RANBP2: variants seen among roughly 807,000 people sequenced by gnomAD.
RANBP2 encodes RAN binding protein 2.
RANBP2 carries 57 observed loss-of-function variants against 303.6 expected under a neutral mutation model. The ratio of observed to expected loss-of-function variants is 0.19; its 90% CI spans 0.15 to 0.23. The LOEUF is 0.23. Ranked by LOEUF, RANBP2 falls within the 10% of genes least tolerant of loss-of-function variation. RANBP2 has a pLI of 1.00. For synonymous variants in RANBP2, 1,167 were observed against 1,301.5 expected (o/e 0.90, Z 2.23); for missense variants, 3,138 against 3,780.8 (o/e 0.83, Z 4.46).
At chr2:108,847,018 A>G in the RANBP2 span, 2 of 761,086 alleles carry the variant, frequency 2.6e-6, no homozygotes, top group East Asian at 2.6e-5. Context: ...AATATGTTGT[A>G]CATTTTCAGA....
the RANBP2 span, among the ~76,000 whole-genome samples, chr2:109,156,047 C>T: frequency 6.6e-6 from 1 of 152,244 alleles, no homozygotes. Context: ...TGCCTGAAAT[C>T]ACCCGTACTT....
At chr2:109,488,369 C>G in the RANBP2 span, among the ~76,000 whole-genome samples, 1 of 152,204 alleles carries the variant, frequency 6.6e-6, no homozygotes, top group East Asian at 1.9e-4. Flanking sequence ...GGCAAGGTCA[C>G]CCTCTCATCA....
At chr2:109,011,079 C>G in the RANBP2 span, among the ~76,000 whole-genome samples, 1 of 152,226 alleles carries the variant, frequency 6.6e-6, no homozygotes, top group South Asian at 2.1e-4. Context: ...TAGTCATACT[C>G]TGTACCCAGT....
the RANBP2 span, among the ~76,000 whole-genome samples, chr2:109,548,926 G>C: frequency 1.3e-5 from 2 of 152,146 alleles, no homozygotes; most frequent in African/African-American, 4.8e-5. Flanking sequence ...CTGTGAGCCA[G>C]TGACCACCTG....
chr2:109,241,459 T>C, the RANBP2 span, among the ~76,000 whole-genome samples: 1 of 152,212 alleles, frequency 6.6e-6, no homozygotes, highest in African/African-American at 2.4e-5. Flanking sequence ...ATGTCCTTTT[T>C]TTTTCTTTAT....
At chr2:108,832,228 T>C in the RANBP2 span, among the ~76,000 whole-genome samples, 1 of 151,908 alleles carries the variant, frequency 6.6e-6, no homozygotes, top group African/African-American at 2.4e-5. Context: ...GGTTTTACCA[T>C]GTTGGCCTGG....
At chr2:109,618,254 T>C in the RANBP2 span, 1 of 166,552 alleles carries the variant, frequency 6.0e-6, no homozygotes, top group East Asian at 1.9e-4. Flanking sequence ...GAATAAGCTA[T>C]AACATCCCAT....
chr2:108,897,337 T>C, the RANBP2 span: 2 of 1,105,420 alleles, frequency 1.8e-6, no homozygotes, highest in Non-Finnish European at 2.6e-6. Context: ...AAAATTTTTT[T>C]AAAATTATAA....
chr2:109,249,743 G>A, the RANBP2 span, among the ~76,000 whole-genome samples: 1 of 151,600 alleles, frequency 6.6e-6, no homozygotes, highest in South Asian at 2.1e-4. Context: ...CGCAAGCTCC[G>A]CCTTCCAGGT....
the RANBP2 span, among the ~76,000 whole-genome samples, chr2:109,249,536 C>T: frequency 0.21 from 14,619 of 71,272 alleles, 1,339 homozygotes; most frequent in Non-Finnish European, 0.25. Context: ...TCTTTCTTTC[C>T]TTCCTTCCTT....
At chr2:109,188,939 A>C in the RANBP2 span, among the ~76,000 whole-genome samples, 1 of 152,050 alleles carries the variant, frequency 6.6e-6, no homozygotes, top group Non-Finnish European at 1.5e-5. Context: ...TAATTAAAAA[A>C]AAAACCTGAA....
the RANBP2 span, among the ~76,000 whole-genome samples, chr2:108,980,924 T>C: frequency 6.6e-6 from 1 of 152,028 alleles, no homozygotes. Flanking sequence ...TTTTGAAACC[T>C]GGCCAAATTG....
At chr2:109,296,258 A>G in the RANBP2 span, among the ~76,000 whole-genome samples, 1 of 151,262 alleles carries the variant, frequency 6.6e-6, no homozygotes, top group Non-Finnish European at 1.5e-5. Context: ...ATGGAGTTTC[A>G]CTCTTATTGC....
the RANBP2 span, among the ~76,000 whole-genome samples, chr2:109,510,095 G>A: frequency 1.3e-5 from 2 of 152,182 alleles, no homozygotes; most frequent in South Asian, 2.1e-4. Context: ...AAGAATGTTC[G>A]GTTGGCGGGA....
At chr2:109,257,518 G>T in the RANBP2 span, among the ~76,000 whole-genome samples, 2 of 152,158 alleles carry the variant, frequency 1.3e-5, no homozygotes, top group African/African-American at 4.8e-5. Flanking sequence ...CAAGAGTCTG[G>T]CTGGGAGGTT....
At chr2:109,315,244 T>C in the RANBP2 span, among the ~76,000 whole-genome samples, 4 of 152,210 alleles carry the variant, frequency 2.6e-5, no homozygotes, top group Non-Finnish European at 1.5e-5. Flanking sequence ...AGTCTCTCCA[T>C]AGTAAGGCAG....
chr2:109,016,539 A>G, the RANBP2 span, among the ~76,000 whole-genome samples: 14 of 152,206 alleles, frequency 9.2e-5, no homozygotes, highest in Non-Finnish European at 1.8e-4. Context: ...TAAAGGACAC[A>G]TGCCAGTCCT....
At chr2:109,222,696 A>G in the RANBP2 span, among the ~76,000 whole-genome samples, 3 of 152,306 alleles carry the variant, frequency 2.0e-5, no homozygotes, top group Admixed American at 6.5e-5. Flanking sequence ...CCTCCTCCCT[A>G]AAACCCTGGG....
At chr2:108,753,206 T>G (rs1676042272) in intron 13 of RANBP2, 47 bp downstream of exon 13, 3 of 1,611,344 alleles carry the variant, frequency 1.9e-6, no homozygotes, top group Non-Finnish European at 2.5e-6. Flanking sequence ...AATTTCCAGT[T>G]TATAAACAAA....
Sources: gnomAD v4.1 joint callset for allele counts (sites outside exome capture counted in the v4.1 genomes callset) on GRCh38, gnomAD v4.1.1 for gene constraint, MANE v1.5 for transcripts, NCBI Gene and HGNC (gene_info 2026-07-23, HGNC 2026-07-21) for gene names.